BAZ2B: variants seen among roughly 807,000 people sequenced by gnomAD.
BAZ2B encodes the protein bromodomain adjacent to zinc finger domain 2B.
Under a neutral mutation model 246.0 loss-of-function variants are expected in BAZ2B, and 91 were observed. The ratio of observed to expected loss-of-function variants is 0.37; its 90% CI spans 0.31 to 0.44. The LOEUF is 0.44. Among genes scored for constraint, BAZ2B ranks in the 20% least tolerant of loss-of-function variants. The probability of loss-of-function intolerance (pLI) is 1.00; values close to 1 mark genes in which losing one functional copy is unlikely to be tolerated. For synonymous variants in BAZ2B, 855 were observed against 860.0 expected, an observed-to-expected ratio of 0.99 and a Z score of 0.10; for missense variants, 2,332 against 2,533.7, an observed-to-expected ratio of 0.92 and a Z score of 1.71.
the BAZ2B span, among the ~76,000 whole-genome samples, chr2:159,669,593 G>C: frequency 6.6e-6 from 1 of 151,970 alleles, no homozygotes; most frequent in Non-Finnish European, 1.5e-5. Flanking sequence ...TCAGGCATTT[G>C]TGATTACATT....
chr2:159,365,926 T>C (rs934554700), intron 27 of BAZ2B, among the ~76,000 whole-genome samples: 3 of 152,182 alleles, frequency 2.0e-5, no homozygotes. Context: ...TACCAAATAA[T>C]CCTCTGCAGC....
At chr2:159,344,308 C>T (rs904934132) in intron 31 of BAZ2B, among the ~76,000 whole-genome samples, 7 of 151,796 alleles carry the variant, frequency 4.6e-5, no homozygotes, top group African/African-American at 9.7e-5. Flanking sequence ...GAGGCTGAGG[C>T]GGGTGGATCA....
At chr2:159,377,844 ACCTT>A (rs2061583151) in intron 25 of BAZ2B, among the ~76,000 whole-genome samples, 2 of 150,824 alleles carry the variant, frequency 1.3e-5, no homozygotes, top group East Asian at 3.9e-4. Context: ...GTGAAATACT[ACCTT>A]AAATGACACA....
the BAZ2B span, among the ~76,000 whole-genome samples, chr2:159,643,344 G>T: frequency 6.6e-6 from 1 of 151,956 alleles, no homozygotes; most frequent in Admixed American, 6.6e-5. Context: ...TTCCTAACAT[G>T]GCATAGGGGG....
Position 159,448,376 on chromosome 2 carries a change from G to A in BAZ2B, c.368C>T (p.Thr123Ile), listed in dbSNP as rs1559461075. ...AEWWRTTDAHTRTGATFFPPL... is the reference protein window; with the variant it reads ...AEWWRTTDAHIRTGATFFPPL... ...TGGAAAGAAGGTTGCTCCTGTACGAGTATGAGCATCAGTTGTTCGCCACCA... is the reference window on the plus strand; with the variant it reads ...TGGAAAGAAGGTTGCTCCTGTACGAATATGAGCATCAGTTGTTCGCCACCA... Residue 123 changes from threonine to isoleucine, a missense_variant, in exon 5 of 37, where the codon ACT (threonine) becomes ATT (isoleucine). This residue lies in a region of BAZ2B where 242 missense variants were observed against 237.4 expected (regional missense o/e 1.02). Coordinates refer to ENST00000392783, the MANE Select transcript of BAZ2B (RefSeq NM_013450.4). The A allele has an allele frequency of 6.2e-7, 1 of 1,603,584 alleles. No individual in the cohort carries two copies. Among genetic ancestry groups the A allele is most frequent in the Non-Finnish European group, 8.5e-7 (1 of 1,177,354 alleles).
intron 33 of BAZ2B, among the ~76,000 whole-genome samples, chr2:159,336,083 C>T (rs1416546703): frequency 1.3e-5 from 2 of 152,160 alleles, no homozygotes; most frequent in African/African-American, 4.8e-5. Flanking sequence ...ATCCCCTGAA[C>T]CCAGGAGGCA....
At chr2:159,325,027 A>G in intron 35 of BAZ2B, 73 bp from the exon 36 acceptor site, 2 of 142,862 alleles carry the variant, frequency 1.4e-5, no homozygotes, top group Non-Finnish European at 1.3e-5. Context: ...AAAAGCTTTC[A>G]GTTATTATAT....
intron 25 of BAZ2B, among the ~76,000 whole-genome samples, chr2:159,379,974 A>G (rs889860479): frequency 4.0e-5 from 6 of 151,866 alleles, no homozygotes; most frequent in African/African-American, 1.2e-4. Flanking sequence ...GTCCATTTTC[A>G]TGACTTATGG....
In BAZ2B at chr2:159,348,742, T is replaced by C; in HGVS notation, c.5229A>G (p.Ala1743=). Residue 1743 remains alanine (A), a synonymous_variant, in exon 30 of 37, where the codon GCA becomes GCG. Transcript: ENST00000392783. ...AATGTTTCTGAATTTGTTTTTGTAATGCCTTTTCTCTTATTCCTCTGAGAT... is the reference window on the plus strand; with the variant it reads ...AATGTTTCTGAATTTGTTTTTGTAACGCCTTTTCTCTTATTCCTCTGAGAT... ...VLHLRGIREK[A]LQKQIQKHLD... 1 of 1,613,496 alleles carries C rather than the reference T, an allele frequency of 6.2e-7. No individual in the cohort carries two copies. The highest frequency in any genetic ancestry group is 2.2e-5 in the East Asian group (1 of 44,828).
chr2:159,504,738 T>C (rs2082160328), intron 2 of BAZ2B, among the ~76,000 whole-genome samples: 1 of 152,156 alleles, frequency 6.6e-6, no homozygotes, highest in Non-Finnish European at 1.5e-5. Context: ...AAGACATATA[T>C]TGGAATCTCA....
At position 159,429,194 on chromosome 2, in the gene BAZ2B, G is replaced by A; in HGVS notation, c.2255+6C>T. 6.6e-7 allele frequency: 1 copy of A among 1,521,408 alleles called. No homozygotes were observed. Among genetic ancestry groups the A allele is most frequent in the Non-Finnish European group, 8.9e-7 (1 of 1,128,846 alleles). The allele number at this position is 1,521,408 out of a possible 1,614,324, so 94.2% of individuals were successfully genotyped here. A position where few individuals can be genotyped will look rare whatever the true frequency, so the allele number is the denominator to read the frequency against. On this transcript the variant is annotated splice_donor_region_variant and intron_variant, in intron 11 of 36. Transcript: ENST00000392783. The stretch of plus-strand genomic sequence containing the variant: ...AAAAGAAAAAGGAAAACCTTATTTT[G>A]CATACCCATATTCCAATGGAATACG...
Position 159,587,295 on chromosome 2 carries a change from C to T in BAZ2B, c.-46+28947G>A, listed in dbSNP as rs899229363. On this transcript the variant is annotated intron_variant, in intron 1 of 36. Transcript: ENST00000392783. ...TGGGGTTTCACCGTGTTAGCCAGGA[C>T]GGTCTCCATCTCCTGACCTCGTGAT... is the stretch of plus-strand genomic sequence containing the variant. 5.9e-5 allele frequency among the ~76,000 whole-genome samples: 9 copies of T among 151,982 alleles called. No homozygotes were observed. In the East Asian group the frequency reaches 1.4e-3, roughly 23 times the overall value.
rs531494392 is a variant in BAZ2B at position 159,455,367 on chromosome 2, CAAG to C, written c.146-1569_146-1567del. Among the ~76,000 whole-genome samples the C allele has an allele frequency of 1.2e-3, 178 of 152,146 alleles. 1 individual carries two copies. Among genetic ancestry groups the C allele is most frequent in the Non-Finnish European group, 2.2e-3 (147 of 67,956 alleles). ...AATAATGCTATATTCTTTACTGAAA[CAAG>C]AAGATCTGAATGACTTTTAAAAATA... is the stretch of plus-strand genomic sequence containing the variant. On this transcript the variant is annotated intron_variant, in intron 3 of 36. Coordinates refer to ENST00000392783, the MANE Select transcript of BAZ2B (RefSeq NM_013450.4).
intron 13 of BAZ2B, 78 bp from the exon 14 acceptor site, chr2:159,412,623 GCT>G (rs2066997804): frequency 8.0e-6 from 11 of 1,368,594 alleles, no homozygotes; most frequent in Admixed American, 2.2e-5. Flanking sequence ...GAAAATTCTA[GCT>G]AAAAATCACA....
At chr2:159,514,369 T>A (rs1425112342) in intron 2 of BAZ2B, among the ~76,000 whole-genome samples, 1 of 152,184 alleles carries the variant, frequency 6.6e-6, no homozygotes, top group Admixed American at 6.5e-5. Flanking sequence ...GTTATCACAT[T>A]GTACTGTTAA....
the BAZ2B span, among the ~76,000 whole-genome samples, chr2:159,662,528 C>T: frequency 2.6e-5 from 4 of 151,888 alleles, no homozygotes; most frequent in Non-Finnish European, 4.4e-5. Context: ...TTGTTTGTTT[C>T]GCTTTGTTTT....
At chr2:159,659,821 G>A in the BAZ2B span, among the ~76,000 whole-genome samples, 1 of 152,232 alleles carries the variant, frequency 6.6e-6, no homozygotes, top group Admixed American at 6.5e-5. Flanking sequence ...TGTTGTTTCT[G>A]ACAAATTTAT....
intron 3 of BAZ2B, among the ~76,000 whole-genome samples, chr2:159,466,504 C>T (rs1215440867): frequency 6.6e-6 from 1 of 152,112 alleles, no homozygotes; most frequent in Non-Finnish European, 1.5e-5. Flanking sequence ...TAAAACAACA[C>T]CAAATGTCCA....
At chr2:159,695,283 C>A in the BAZ2B span, 2 of 151,986 alleles carry the variant, frequency 1.3e-5, no homozygotes, top group Non-Finnish European at 2.9e-5. Context: ...GGATTTACAA[C>A]CTTTTTCTCA....
Sources: allele counts gnomAD v4.1 joint callset (sites outside exome capture counted in the v4.1 genomes callset), GRCh38; gene constraint gnomAD v4.1.1; regional missense constraint gnomAD v4.1.1; transcripts MANE v1.5; gene names NCBI Gene and HGNC (gene_info 2026-07-23, HGNC 2026-07-21).